Variants in SLC35F3 observed in about 807,000 individuals in gnomAD.
The protein encoded by SLC35F3 is solute carrier family 35 member F3, also known as putative thiamine transporter SLC35F3.
SLC35F3 carries 25 observed loss-of-function variants against 49.9 expected under a neutral mutation model. The observed-to-expected ratio is 0.50, with a 90% CI of 0.37 to 0.70. SLC35F3 has a LOEUF of 0.70. Among genes scored for constraint, SLC35F3 ranks in the 30% least tolerant of loss-of-function variants. The pLI, the probability that SLC35F3 is intolerant of heterozygous loss-of-function variation, is 0.00. For missense variants in SLC35F3, 525 were observed against 639.8 expected (o/e 0.82, Z 1.94); for synonymous variants, 275 against 265.4 (o/e 1.04, Z -0.35).
intron 2 of SLC35F3, among the ~76,000 whole-genome samples, chr1:234,051,928 G>A (rs1163270880): frequency 6.6e-6 from 1 of 152,128 alleles, no homozygotes; most frequent in African/African-American, 2.4e-5. Flanking sequence ...TTCCGTTTAA[G>A]TGATGGATTA....
At chr1:234,090,425 G>T (rs1291859603) in intron 2 of SLC35F3, among the ~76,000 whole-genome samples, 1 of 152,244 alleles carries the variant, frequency 6.6e-6, no homozygotes, top group Non-Finnish European at 1.5e-5. Flanking sequence ...TTGCAAAAGA[G>T]AAAATATTTT....
At chr1:234,025,116 C>T (rs374088489) in intron 2 of SLC35F3, among the ~76,000 whole-genome samples, 25 of 152,340 alleles carry the variant, frequency 1.6e-4, no homozygotes, top group East Asian at 3.9e-4. Context: ...TAATGGCCTC[C>T]GGCCACATTC....
chr1:233,930,652 G>A lies in SLC35F3; in HGVS notation c.283+24894G>A, dbSNP rs147918861. ...AAAACTCAACTACCAGTAGCTTACC[G>A]TTGACTGGGAGTCTTACTGATAGCA... On this transcript the variant is annotated intron_variant, in intron 2 of 7. Transcript: ENST00000366618. Among the ~76,000 whole-genome samples, 1,072 of 152,220 alleles carry A rather than the reference G, an allele frequency of 7.0e-3. 12 individuals are homozygous for A. Among genetic ancestry groups the A allele is most frequent in the Middle Eastern group, 0.031 (9 of 294 alleles).
intron 2 of SLC35F3, among the ~76,000 whole-genome samples, chr1:234,022,004 TG>T (rs1223478153): frequency 1.3e-5 from 2 of 152,220 alleles, no homozygotes; most frequent in Admixed American, 1.3e-4. Flanking sequence ...GTTCCAAGCT[TG>T]GGCATTTCTG....
chr1:234,219,076 A>AAAAAAT, intron 2 of SLC35F3, among the ~76,000 whole-genome samples: 1 of 150,110 alleles, frequency 6.7e-6, no homozygotes, highest in Admixed American at 6.6e-5. Flanking sequence ...AAAAAAAAAA[A>AAAAAAT]GCTCCCACTG....
At chr1:234,002,973 C>T (rs1438081682) in intron 2 of SLC35F3, among the ~76,000 whole-genome samples, 1 of 152,168 alleles carries the variant, frequency 6.6e-6, no homozygotes, top group Non-Finnish European at 1.5e-5. Context: ...GTTCCTTTGA[C>T]ATACCTCCAT....
chr1:234,008,586 A>T (rs1469050285), intron 2 of SLC35F3, among the ~76,000 whole-genome samples: 1 of 152,152 alleles, frequency 6.6e-6, no homozygotes, highest in South Asian at 2.1e-4. Context: ...TGTTTTACTC[A>T]TCTCTACTGC....
chr1:234,323,244 C>T lies in SLC35F3; in HGVS notation c.*1C>T. 1.2e-6 allele frequency: 2 copies of T among 1,612,506 alleles called. No individual in the cohort carries two copies. The highest frequency in any genetic ancestry group is 1.7e-6 in the Non-Finnish European group (2 of 1,179,298). ...AGCCCGCCCTTCCTTCGCCCGCTAA[C>T]ACCACTCCTCTAGAACTCGGTGGTA... is the stretch of plus-strand genomic sequence containing the variant. On this transcript the variant is annotated 3_prime_UTR_variant, in exon 8 of 8. Transcript: ENST00000366618. This position sits in a 1 kb window ranked among gnomAD's most constrained non-coding sequence, Gnocchi z 4.5.
At chr1:234,061,402 G>T (rs1182490697) in intron 2 of SLC35F3, among the ~76,000 whole-genome samples, 1 of 151,978 alleles carries the variant, frequency 6.6e-6, no homozygotes, top group Non-Finnish European at 1.5e-5. Context: ...TCTGTCTTAA[G>T]ATTTTAGAAT....
intron 3 of SLC35F3, among the ~76,000 whole-genome samples, chr1:234,243,891 T>A (rs899522359): frequency 6.6e-6 from 1 of 152,212 alleles, no homozygotes; most frequent in African/African-American, 2.4e-5. Flanking sequence ...CCAAGACAGA[T>A]AATAAGCAGA....
intron 2 of SLC35F3, among the ~76,000 whole-genome samples, chr1:234,003,678 T>C (rs1663586213): frequency 6.6e-6 from 1 of 152,256 alleles, no homozygotes; most frequent in East Asian, 1.9e-4. Context: ...TTAAACCTTA[T>C]GGATTACAAA....
chr1:233,973,503 T>C (rs1220861426), intron 2 of SLC35F3, among the ~76,000 whole-genome samples: 1 of 152,254 alleles, frequency 6.6e-6, no homozygotes, highest in Non-Finnish European at 1.5e-5. Flanking sequence ...ACATTAACGA[T>C]GCTTCAGCTA....
Position 233,957,239 on chromosome 1 carries a change from G to A in SLC35F3, c.283+51481G>A, listed in dbSNP as rs1197165539. Among the ~76,000 whole-genome samples, 1 of 152,124 alleles carries A rather than the reference G, an allele frequency of 6.6e-6. No homozygotes were observed. The highest frequency in any genetic ancestry group is 2.4e-5 in the African/African-American group (1 of 41,414). On this transcript the variant is annotated intron_variant, in intron 2 of 7. Coordinates refer to ENST00000366618, the MANE Select transcript of SLC35F3 (RefSeq NM_173508.4). This position sits in a 1 kb window ranked among gnomAD's most constrained non-coding sequence, Gnocchi z 4.0. ...ATGTCAGATATGAAATTGGATTTTT[G>A]AACTGGACTGAAATGTACTACTTAA...
chr1:234,155,344 A>C (rs9435575), intron 2 of SLC35F3, among the ~76,000 whole-genome samples: 30,860 of 151,920 alleles, frequency 0.2, 5,137 homozygotes, highest in East Asian at 0.86. Flanking sequence ...CTTCTTTTAA[A>C]GGATGTTGAT....
At chr1:234,230,958 T>C (rs1281291358) in intron 2 of SLC35F3, among the ~76,000 whole-genome samples, 1 of 152,158 alleles carries the variant, frequency 6.6e-6, no homozygotes, top group Non-Finnish European at 1.5e-5. Context: ...TGTAGGAATC[T>C]CCAGCCCCCA....
chr1:234,269,885 C>G (rs113044509), intron 3 of SLC35F3, among the ~76,000 whole-genome samples: 1 of 152,164 alleles, frequency 6.6e-6, no homozygotes, highest in African/African-American at 2.4e-5. Flanking sequence ...GCTCCCCTTC[C>G]GCTTCTGCCA....
At chr1:234,158,342 A>C (rs1666181611) in intron 2 of SLC35F3, among the ~76,000 whole-genome samples, 1 of 152,222 alleles carries the variant, frequency 6.6e-6, no homozygotes, top group Admixed American at 6.5e-5. Context: ...TGAATAAGCA[A>C]AGTTATCTAT....
At chr1:234,086,104 G>A (rs1664956297) in intron 2 of SLC35F3, among the ~76,000 whole-genome samples, 1 of 152,144 alleles carries the variant, frequency 6.6e-6, no homozygotes, top group South Asian at 2.1e-4. Context: ...TAAAATTATT[G>A]AAGAAATGAG....
At chr1:233,919,102 A>G (rs1041897860) in intron 2 of SLC35F3, among the ~76,000 whole-genome samples, 1 of 152,172 alleles carries the variant, frequency 6.6e-6, no homozygotes, top group African/African-American at 2.4e-5. Context: ...TTCAAAATAA[A>G]AAATGTCATT....
Sources: gnomAD v4.1 joint callset for allele counts (sites outside exome capture counted in the v4.1 genomes callset) on GRCh38, gnomAD v4.1.1 for gene constraint, Gnocchi (gnomAD v3.1) non-coding constraint, MANE v1.5 for transcripts, NCBI Gene and HGNC (gene_info 2026-07-23, HGNC 2026-07-21) for gene names.